Variants in KLF8 observed in about 807,000 individuals in gnomAD.
The protein encoded by KLF8 is KLF transcription factor 8, also known as Krueppel-like factor 8.
KLF8 carries 10 observed loss-of-function variants against 18.2 expected under a neutral mutation model. The observed-to-expected ratio is 0.55, with a 90% CI of 0.34 to 0.93. The LOEUF is 0.93. KLF8 is among the 40% of genes least tolerant of loss of function. The pLI is 0.02. For missense variants in KLF8, 264 were observed against 277.9 expected, an observed-to-expected ratio of 0.95 and a Z score of 0.36; for synonymous variants, 109 against 97.3, an observed-to-expected ratio of 1.12 and a Z score of -0.71.
the KLF8 span, among the ~76,000 whole-genome samples, chrX:56,168,385 A>G: frequency 7.2e-4 from 81 of 112,727 alleles, 1 homozygote; most frequent in South Asian, 0.03. Flanking sequence ...TAAGACATTG[A>G]TAAAAGAAAC....
At chrX:56,208,076 G>A in the KLF8 span, among the ~76,000 whole-genome samples, 2 of 110,725 alleles carry the variant, frequency 1.8e-5, no homozygotes, top group African/African-American at 6.6e-5. Flanking sequence ...ACAGTATGGG[G>A]GAAACTGGCC....
the KLF8 span, among the ~76,000 whole-genome samples, chrX:55,985,948 A>G: frequency 9.0e-6 from 1 of 110,960 alleles, no homozygotes; most frequent in Admixed American, 9.7e-5. Flanking sequence ...TTGTTGGTGT[A>G]TAGCAGTGGT....
chrX:55,958,195 A>G, the KLF8 span, among the ~76,000 whole-genome samples: 2 of 112,306 alleles, frequency 1.8e-5, no homozygotes, highest in Admixed American at 1.9e-4. Flanking sequence ...ATGAACAGAC[A>G]TGCAGTATGA....
the KLF8 span, among the ~76,000 whole-genome samples, chrX:56,164,109 A>ATTTTTT: frequency 2.8e-5 from 3 of 107,840 alleles, no homozygotes; most frequent in African/African-American, 6.7e-5. Flanking sequence ...TTTATTTTTT[A>ATTTTTT]TTTTTTTTTT....
At chrX:56,041,667 TTTGTTGTTG>T in the KLF8 span, among the ~76,000 whole-genome samples, 121 of 96,397 alleles carry the variant, frequency 1.3e-3, no homozygotes, top group East Asian at 5.1e-3. Flanking sequence ...TCTCTCTAGT[TTTGTTGTTG>T]TTGTTGTTGT....
the KLF8 span, among the ~76,000 whole-genome samples, chrX:56,091,111 C>T: frequency 1.8e-5 from 2 of 111,362 alleles, no homozygotes; most frequent in African/African-American, 6.5e-5. Flanking sequence ...ACCGAAATCT[C>T]ATCTCCAGTT....
the KLF8 span, among the ~76,000 whole-genome samples, chrX:56,005,135 C>A: frequency 9.1e-6 from 1 of 109,689 alleles, no homozygotes; most frequent in African/African-American, 3.3e-5. Flanking sequence ...CTCTGCCTCC[C>A]AGGTTCAAGC....
chrX:56,098,164 C>A, the KLF8 span, among the ~76,000 whole-genome samples: 213 of 112,091 alleles, frequency 1.9e-3, 2 homozygotes, highest in African/African-American at 6.6e-3. Flanking sequence ...GTGGTCTCTG[C>A]ACATGCTGGC....
chrX:56,187,452 G>A, the KLF8 span, among the ~76,000 whole-genome samples: 2 of 111,624 alleles, frequency 1.8e-5, no homozygotes, highest in African/African-American at 3.3e-5. Flanking sequence ...GCACAAGGAG[G>A]AACTGGTACT....
At chrX:56,181,212 T>C in the KLF8 span, among the ~76,000 whole-genome samples, 1 of 111,955 alleles carries the variant, frequency 8.9e-6, no homozygotes, top group Admixed American at 9.5e-5. Flanking sequence ...TTTACCATTA[T>C]GTAATGGCCT....
intron 2 of KLF8, among the ~76,000 whole-genome samples, chrX:56,261,834 T>G (rs2066886709): frequency 8.9e-6 from 1 of 111,784 alleles, no homozygotes; most frequent in East Asian, 2.8e-4. Context: ...TTCACCCTGA[T>G]AGTGTGTAGA....
chrX:56,110,399 G>A, the KLF8 span, among the ~76,000 whole-genome samples: 9 of 111,533 alleles, frequency 8.1e-5, no homozygotes, highest in Non-Finnish European at 1.1e-4. Flanking sequence ...TAGTTGGGTC[G>A]TTCATTTTGT....
At chrX:56,132,478 G>A in the KLF8 span, among the ~76,000 whole-genome samples, 3 of 111,356 alleles carry the variant, frequency 2.7e-5, no homozygotes. Context: ...CTGGGAAGCA[G>A]CAAAAGAAGT....
At chrX:56,058,056 T>C in the KLF8 span, among the ~76,000 whole-genome samples, 2 of 101,973 alleles carry the variant, frequency 2.0e-5, no homozygotes, top group Middle Eastern at 5.0e-3. Context: ...GCTTCCTCCG[T>C]CTTGCTAGCT....
chrX:56,101,162 A>G, the KLF8 span, among the ~76,000 whole-genome samples: 1 of 111,519 alleles, frequency 9.0e-6, no homozygotes, highest in Non-Finnish European at 1.9e-5. Flanking sequence ...TGTTGTTCCC[A>G]TCTTTATGTG....
At chrX:56,006,506 A>G in the KLF8 span, among the ~76,000 whole-genome samples, 1 of 112,217 alleles carries the variant, frequency 8.9e-6, no homozygotes, top group African/African-American at 3.2e-5. Flanking sequence ...TCTTGATGGC[A>G]GATGTACTTC....
At chrX:56,109,410 A>AT in the KLF8 span, among the ~76,000 whole-genome samples, 302 of 109,954 alleles carry the variant, frequency 2.7e-3, no homozygotes, top group African/African-American at 9.5e-3. Context: ...AAAAAAAAAA[A>AT]GATCGATTCT....
chrX:55,942,785 C>A, the KLF8 span, among the ~76,000 whole-genome samples: 4 of 111,970 alleles, frequency 3.6e-5, no homozygotes, highest in Non-Finnish European at 7.5e-5. Flanking sequence ...CCAACAAGTG[C>A]AAAGGCCCTG....
the KLF8 span, among the ~76,000 whole-genome samples, chrX:56,188,239 C>G: frequency 4.0e-4 from 44 of 111,274 alleles, no homozygotes; most frequent in South Asian, 7.5e-4. Flanking sequence ...GACAAACAGA[C>G]AGCCAAATCA....
Sources: gnomAD v4.1 joint callset for allele counts (sites outside exome capture counted in the v4.1 genomes callset) on GRCh38, gnomAD v4.1.1 for gene constraint, MANE v1.5 for transcripts, NCBI Gene and HGNC (gene_info 2026-07-23, HGNC 2026-07-21) for gene names.